Variants in POLR3A observed in about 807,000 individuals in gnomAD.
POLR3A encodes the protein RNA polymerase III subunit A.
In POLR3A, 112 loss-of-function variants were observed where a neutral mutation model predicts 152.8. The ratio of observed to expected loss-of-function variants is 0.73; its 90% CI spans 0.63 to 0.86. The LOEUF (loss-of-function observed/expected upper bound fraction) is 0.86, where lower values mean the gene tolerates loss of function less well. Among genes scored for constraint, POLR3A ranks in the 40% least tolerant of loss-of-function variants. The pLI, the probability that POLR3A is intolerant of heterozygous loss-of-function variation, is 0.00. For synonymous variants in POLR3A, 615 were observed against 652.1 expected (o/e 0.94, Z 0.87); for missense variants, 1,385 against 1,743.1 (o/e 0.79, Z 3.66).
At chr10:78,026,582 C>CT (rs1161108847) in intron 1 of POLR3A, among the ~76,000 whole-genome samples, 1 of 152,226 alleles carries the variant, frequency 6.6e-6, no homozygotes, top group Non-Finnish European at 1.5e-5. Context: ...ACCATACACT[C>CT]TGAGTTTTCT....
chr10:78,000,819 C>T lies in POLR3A; in HGVS notation c.2478+157G>A, dbSNP rs138508753. Among the ~76,000 whole-genome samples the T allele has an allele frequency of 8.1e-3, 1,232 of 152,250 alleles. 8 individuals carry two copies. Among genetic ancestry groups the T allele is most frequent in the Admixed American group, 0.013 (205 of 15,288 alleles). On this transcript the variant is annotated intron_variant, in intron 18 of 30. Transcript: ENST00000372371. ...AATTTCAGGCATGAGACACTGTGCCCGGCCTGAAGTGTATCTTAATAAAAT... is the reference window on the plus strand; with the variant it reads ...AATTTCAGGCATGAGACACTGTGCCTGGCCTGAAGTGTATCTTAATAAAAT...
In POLR3A at chr10:77,976,593, G is replaced by C. The variant is rs1847091265; in HGVS notation, c.*885C>G. 1 of 152,122 alleles carries C rather than the reference G, an allele frequency of 6.6e-6. No homozygotes were observed. The highest frequency in any genetic ancestry group is 1.5e-5 in the Non-Finnish European group (1 of 68,054). The allele number at this position is 152,122 out of a possible 1,614,324, so 9.4% of individuals were successfully genotyped here. A position where few individuals can be genotyped will look rare whatever the true frequency, so the allele number is the denominator to read the frequency against. On this transcript the variant is annotated 3_prime_UTR_variant, in exon 31 of 31. Coordinates refer to ENST00000372371, the MANE Select transcript of POLR3A (RefSeq NM_007055.4). ...CGGGTACCTTAACAGCATCAACTCA[G>C]AACTTAAAAAATCAACTAGAGATCA...
Position 78,022,033 on chromosome 10 carries a change from C to A in POLR3A, c.886-11G>T, listed in dbSNP as rs1847584763. On this transcript the variant is annotated splice_polypyrimidine_tract_variant and intron_variant, in intron 6 of 30. Coordinates refer to ENST00000372371, the MANE Select transcript of POLR3A (RefSeq NM_007055.4). Reference sequence around the variant, plus strand: ...TCCTGAGATCCGATGCTAAAACCAGCACAGCCCAAACAGAAACAAACCTGG... The same window carrying A: ...TCCTGAGATCCGATGCTAAAACCAGAACAGCCCAAACAGAAACAAACCTGG... 6.2e-7 allele frequency: 1 copy of A among 1,614,094 alleles called. No individual in the cohort carries two copies. Among genetic ancestry groups the A allele is most frequent in the South Asian group, 1.1e-5 (1 of 91,084 alleles).
At chr10:78,014,880 A>G (rs1847504419) in intron 10 of POLR3A, among the ~76,000 whole-genome samples, 1 of 152,200 alleles carries the variant, frequency 6.6e-6, no homozygotes, top group Non-Finnish European at 1.5e-5. Context: ...GGTATTTTCC[A>G]TTATAAGAAT....
intron 20 of POLR3A, 97 bp downstream of exon 20, chr10:77,993,100 G>A (rs1847264737): frequency 5.5e-6 from 5 of 901,440 alleles, no homozygotes; most frequent in Non-Finnish European, 7.5e-6. Context: ...AAATACTGAA[G>A]TATTTATTAA....
At chr10:78,008,843 G>T (rs1190968148) in intron 14 of POLR3A, among the ~76,000 whole-genome samples, 2 of 142,772 alleles carry the variant, frequency 1.4e-5, no homozygotes, top group Non-Finnish European at 3.0e-5. Context: ...GAACCTGTTT[G>T]TCTTTGAAAA....
rs1002928051 is a variant in POLR3A, at chr10:77,975,163, C to T, written c.*2315G>A. On this transcript the variant is annotated 3_prime_UTR_variant, in exon 31 of 31. Coordinates refer to ENST00000372371, the MANE Select transcript of POLR3A (RefSeq NM_007055.4). ...CTATTCATGGATGAGATGGAATTCACACGTATTTTTATTTCTTCCAAGCAG... is the reference window on the plus strand; with the variant it reads ...CTATTCATGGATGAGATGGAATTCATACGTATTTTTATTTCTTCCAAGCAG... 1.3e-5 allele frequency: 2 copies of T among 152,182 alleles called. No homozygotes were observed. The highest frequency in any genetic ancestry group is 2.4e-5 in the African/African-American group (1 of 41,448). The allele number at this position is 152,182 out of a possible 1,614,324, so 9.4% of individuals were successfully genotyped here.
chr10:78,016,710 T>C (rs975869851), intron 10 of POLR3A, among the ~76,000 whole-genome samples: 3 of 139,314 alleles, frequency 2.2e-5, no homozygotes, highest in South Asian at 2.2e-4. Context: ...TGAGACTCTG[T>C]CTCAAAAAAA....
At chr10:78,013,583 T>C in intron 11 of POLR3A, 67 bp downstream of exon 11, 2 of 1,551,448 alleles carry the variant, frequency 1.3e-6, no homozygotes, top group Non-Finnish European at 1.8e-6. Flanking sequence ...GGTGTTTTCA[T>C]GTAAGTTTCC....
Position 77,986,004 on chromosome 10 carries a change from A to C in POLR3A, c.2989-19T>G. The C allele has an allele frequency of 6.2e-7, 1 of 1,612,294 alleles. No homozygotes were observed. Among genetic ancestry groups the C allele is most frequent in the Non-Finnish European group, 8.5e-7 (1 of 1,178,320 alleles). On this transcript the variant is annotated intron_variant, in intron 22 of 30. Coordinates refer to ENST00000372371, the MANE Select transcript of POLR3A (RefSeq NM_007055.4). ...CACGGGGCTGGGAGAATACAAGCCA[A>C]GCACAGAGTTAGGGCCAGCGGCAAC...
At chr10:77,981,642 G>A in intron 28 of POLR3A, 83 bp from the exon 29 acceptor site, 2 of 1,512,176 alleles carry the variant, frequency 1.3e-6, no homozygotes, top group Non-Finnish European at 1.8e-6. Flanking sequence ...CTGCCCTGCA[G>A]TTTCAAAGCA....
Position 77,982,736 on chromosome 10 carries a change from C to T in POLR3A, c.3511G>A (p.Ala1171Thr). Residue 1171 changes from alanine (A) to threonine (T), a missense_variant, in exon 27 of 31, where the codon GCT becomes ACT. Around this residue, in one of 7 missense-constraint regions of POLR3A, gnomAD observed 332 missense variants for 400.1 expected, o/e 0.83. Transcript: ENST00000372371. ...TCTCTGGGGGTGACACACACCACAG[C>T]CTCACCATGAACAGCCACATCACCG... ...KPGDVAVHGE[A>T]VVCVTPRENS... 1 of 1,613,634 alleles carries T rather than the reference C, an allele frequency of 6.2e-7. No individual in the cohort carries two copies. Among genetic ancestry groups the T allele is most frequent in the Non-Finnish European group, 8.5e-7 (1 of 1,179,648 alleles).
At chr10:77,992,438 CTTTTTTTT>C (rs71030926) in intron 20 of POLR3A, among the ~76,000 whole-genome samples, 8 of 76,556 alleles carry the variant, frequency 1.0e-4, no homozygotes, top group African/African-American at 3.7e-4. Flanking sequence ...CTGGCTAATT[CTTTTTTTT>C]TTTTTTTTTT....
At chr10:78,019,612 G>T (rs1242929227) in intron 8 of POLR3A, 1 of 339,520 alleles carries the variant, frequency 2.9e-6, no homozygotes, top group East Asian at 6.9e-5. Context: ...AACTTACTGG[G>T]GGCTTGTAAG....
Position 77,980,131 on chromosome 10 carries a change from T to A in POLR3A, c.4024+10A>T. 1 of 1,613,520 alleles carries A rather than the reference T, an allele frequency of 6.2e-7. No individual in the cohort carries two copies. The highest frequency in any genetic ancestry group is 8.5e-7 in the Non-Finnish European group (1 of 1,179,460). ...GCCTTTGATGCTGTTCATAGAAACA[T>A]CAAACCTACCACACACAGAGTCCTT... On this transcript the variant is annotated intron_variant, in intron 30 of 30. Transcript: ENST00000372371.
intron 1 of POLR3A, among the ~76,000 whole-genome samples, chr10:78,029,135 T>A (rs776071417): frequency 6.6e-6 from 1 of 152,134 alleles, no homozygotes; most frequent in Non-Finnish European, 1.5e-5. Flanking sequence ...CTCAGGCCAC[T>A]CCGACTTCTC....
At chr10:77,984,661 C>T (rs1459527718) in intron 24 of POLR3A, among the ~76,000 whole-genome samples, 1 of 152,178 alleles carries the variant, frequency 6.6e-6, no homozygotes, top group Non-Finnish European at 1.5e-5. Context: ...TCATTCAATG[C>T]TACGTATTAT....
rs1428911540 is a variant in POLR3A at position 77,985,258 on chromosome 10, T to C, written c.3154A>G (p.Thr1052Ala). ...GAGGCCACACCTGCAAAGTGGAAAG[T>C]CTTCAGGGTCATCTGGGTGCCTGGC... ...GEPGTQMTLK[T>A]FHFAGVASMN... The change falls in exon 24 of 31, where the codon ACT becomes GCT. Residue 1052 changes from threonine to alanine, a missense_variant. By Grantham distance (58) the Thr-to-Ala change is moderately conservative. This residue lies in a region of POLR3A where 22 missense variants were observed against 59.7 expected (regional missense o/e 0.37). Transcript: ENST00000372371. 6.2e-7 allele frequency: 1 copy of C among 1,614,016 alleles called. No individual in the cohort carries two copies. Among genetic ancestry groups the C allele is most frequent in the South Asian group, 1.1e-5 (1 of 91,080 alleles).
At chr10:78,024,937 G>A (rs764363442) in intron 4 of POLR3A, 34 bp downstream of exon 4, 1 of 1,606,982 alleles carries the variant, frequency 6.2e-7, no homozygotes, top group South Asian at 1.1e-5. Context: ...GAGTGAAAAG[G>A]GCTATTGCTT....
Sources: allele counts gnomAD v4.1 joint callset (sites outside exome capture counted in the v4.1 genomes callset), GRCh38; gene constraint gnomAD v4.1.1; regional missense constraint gnomAD v4.1.1; transcripts MANE v1.5; gene names NCBI Gene and HGNC (gene_info 2026-07-23, HGNC 2026-07-21).